Variants in RHBDF2 observed in about 807,000 individuals in gnomAD.
RHBDF2 encodes rhomboid 5 homolog 2.
In RHBDF2, 38 loss-of-function variants were observed where a neutral mutation model predicts 95.2. The ratio of observed to expected loss-of-function variants is 0.40; its 90% CI spans 0.31 to 0.52. The LOEUF (loss-of-function observed/expected upper bound fraction) is 0.52. Ranked by LOEUF, RHBDF2 falls within the 20% of genes least tolerant of loss-of-function variation. The pLI is 0.56. For missense variants in RHBDF2, 863 were observed against 1,137.7 expected, an observed-to-expected ratio of 0.76 and a Z score of 3.47; for synonymous variants, 442 against 462.0, an observed-to-expected ratio of 0.96 and a Z score of 0.55.
chr17:76,474,646 G>C, intron 11 of RHBDF2, 84 bp downstream of exon 11: 1 of 1,612,304 alleles, frequency 6.2e-7, no homozygotes, highest in Non-Finnish European at 8.5e-7. Flanking sequence ...CCTGCGGGTG[G>C]GTGAGGAGCC....
chr17:76,489,425 G>A (rs564059753), intron 1 of RHBDF2, among the ~76,000 whole-genome samples: 2 of 149,366 alleles, frequency 1.3e-5, no homozygotes, highest in Non-Finnish European at 3.0e-5. Flanking sequence ...CCGGGTTCAC[G>A]CCATTCTCCT....
intron 9 of RHBDF2, chr17:76,476,234 A>G (rs2073769600): frequency 6.6e-6 from 1 of 152,082 alleles, no homozygotes; most frequent in African/African-American, 2.4e-5. Flanking sequence ...ATTTGGGCCC[A>G]GTGTTTATTG....
intron 1 of RHBDF2, among the ~76,000 whole-genome samples, chr17:76,492,900 TC>T (rs946468871): frequency 6.6e-6 from 1 of 151,974 alleles, no homozygotes; most frequent in Non-Finnish European, 1.5e-5. Context: ...AGCAGCCCCC[TC>T]CCCTCCAGAC....
chr17:76,498,101 C>A (rs1328066242), intron 1 of RHBDF2, among the ~76,000 whole-genome samples: 1 of 152,184 alleles, frequency 6.6e-6, no homozygotes, highest in Non-Finnish European at 1.5e-5. Context: ...TTCCTTACAC[C>A]CATCCTAGGT....
chr17:76,473,453 C>A, intron 15 of RHBDF2, 126 bp from the exon 16 acceptor site: 1 of 1,011,736 alleles, frequency 9.9e-7, no homozygotes, highest in Non-Finnish European at 1.5e-6. Context: ...GCATCCAGAA[C>A]CTTCGACTCT....
chr17:76,489,769 A>T (rs1337246059), intron 1 of RHBDF2, among the ~76,000 whole-genome samples: 2 of 152,212 alleles, frequency 1.3e-5, no homozygotes, highest in African/African-American at 4.8e-5. Context: ...CCTTCAAAAC[A>T]CCTTCCAGGG....
At chr17:76,481,312 G>C (rs1048668223) in intron 3 of RHBDF2, 63 bp downstream of exon 3, 3 of 1,535,534 alleles carry the variant, frequency 2.0e-6, no homozygotes, top group Non-Finnish European at 2.6e-6. Context: ...TGACCAGAAA[G>C]TGTCACGTGG....
chr17:76,476,949 G>A lies in RHBDF2; in HGVS notation c.996C>T (p.Ala332=). 6.2e-7 allele frequency: 1 copy of A among 1,613,978 alleles called. No individual in the cohort carries two copies. The highest frequency in any genetic ancestry group is 8.5e-7 in the Non-Finnish European group (1 of 1,180,036). ...CGTAGTGCCGCTTCTTCCGATCAAA[G>A]GCAAAGTGCTTCACCTTGGAGGCGA... ...KRIASKVKHF[A]FDRKKRHYGL... Residue 332 remains alanine, a synonymous_variant, in exon 9 of 19, where the codon GCC becomes GCT. Coordinates refer to ENST00000675367, the MANE Select transcript of RHBDF2 (RefSeq NM_001005498.4).
chr17:76,498,728 G>C (rs1037489566), intron 1 of RHBDF2, among the ~76,000 whole-genome samples: 8 of 152,060 alleles, frequency 5.3e-5, no homozygotes, highest in African/African-American at 1.9e-4. Context: ...AGCATTTGTA[G>C]TGTGATTTAT....
chr17:76,481,410 G>T lies in RHBDF2; in HGVS notation c.115C>A (p.Gln39Lys). 1.2e-6 allele frequency: 2 copies of T among 1,612,756 alleles called. No individual in the cohort carries two copies. ...ITIPPPEKET[Q>K]APGEQDSMLP... Reference sequence around the variant, plus strand: ...ATGCTGTCCTGCTCGCCAGGGGCCTGGGTCTCTTTCTCGGGTGGCGGGATG... The same window carrying T: ...ATGCTGTCCTGCTCGCCAGGGGCCTTGGTCTCTTTCTCGGGTGGCGGGATG... The change falls in exon 3 of 19, where the codon CAG becomes AAG. Residue 39 changes from glutamine (Q) to lysine (K), a missense_variant. This residue lies in a region of RHBDF2 where 611 missense variants were observed against 725.5 expected (regional missense o/e 0.84). Coordinates refer to ENST00000675367, the MANE Select transcript of RHBDF2 (RefSeq NM_001005498.4).
At chr17:76,488,773 C>T (rs2074215240) in intron 1 of RHBDF2, among the ~76,000 whole-genome samples, 1 of 152,096 alleles carries the variant, frequency 6.6e-6, no homozygotes, top group African/African-American at 2.4e-5. Context: ...ATAGTGAAAC[C>T]CCATCTCTAC....
At chr17:76,472,201 G>A (rs1279147808) in intron 18 of RHBDF2, 149 bp from the exon 19 acceptor site, 2 of 732,560 alleles carry the variant, frequency 2.7e-6, no homozygotes, top group Non-Finnish European at 4.4e-6. Flanking sequence ...TGGAGCTGCT[G>A]GACCAAAGCT....
chr17:76,482,170 C>T (rs2073991615), intron 2 of RHBDF2, among the ~76,000 whole-genome samples: 1 of 151,982 alleles, frequency 6.6e-6, no homozygotes, highest in Non-Finnish European at 1.5e-5. Context: ...GATCTCTCCG[C>T]TTGAGGCAAG....
chr17:76,497,567 G>A (rs941842204), intron 1 of RHBDF2, among the ~76,000 whole-genome samples: 4 of 152,130 alleles, frequency 2.6e-5, no homozygotes, highest in Admixed American at 6.5e-5. Flanking sequence ...GCCATGGACC[G>A]GCAGCCACGC....
intron 15 of RHBDF2, 136 bp downstream of exon 15, chr17:76,473,512 G>T (rs1376486698): frequency 3.1e-6 from 3 of 954,608 alleles, no homozygotes; most frequent in Non-Finnish European, 3.2e-6. Flanking sequence ...CCCCAGAGCA[G>T]GGGAGCAAAG....
At chr17:76,476,684 T>C (rs2073781559) in intron 9 of RHBDF2, 146 bp downstream of exon 9, 1 of 1,236,898 alleles carries the variant, frequency 8.1e-7, no homozygotes, top group South Asian at 1.6e-5. Context: ...TGGGACAGGG[T>C]GCGCCTTCGA....
chr17:76,480,920 G>T (rs1352419937), intron 3 of RHBDF2, among the ~76,000 whole-genome samples: 1 of 152,150 alleles, frequency 6.6e-6, no homozygotes, highest in Non-Finnish European at 1.5e-5. Flanking sequence ...CTCTTTATGG[G>T]GCACTAGACC....
rs190274594 is a variant in RHBDF2 at position 76,480,556 on chromosome 17, T to A, written c.151-702A>T. Among the ~76,000 whole-genome samples the A allele has an allele frequency of 2.8e-3, 430 of 152,242 alleles. 4 individuals are homozygous for A. The highest frequency in any genetic ancestry group is 9.9e-3 in the African/African-American group (409 of 41,518). On this transcript the variant is annotated intron_variant, in intron 3 of 18. Transcript: ENST00000675367. ...TGTGCCACCACACCCAGCTCTTTTT[T>A]AATTTTTTTTGCAGAGACAGAGTCT...
intron 2 of RHBDF2, 89 bp from the exon 3 acceptor site, chr17:76,481,634 G>T: frequency 8.0e-7 from 1 of 1,244,428 alleles, no homozygotes; most frequent in Non-Finnish European, 1.1e-6. Flanking sequence ...CCCAGACCAA[G>T]AACCAACTTG....
Sources: allele counts gnomAD v4.1 joint callset (sites outside exome capture counted in the v4.1 genomes callset), GRCh38; gene constraint gnomAD v4.1.1; regional missense constraint gnomAD v4.1.1; transcripts MANE v1.5; gene names NCBI Gene and HGNC (gene_info 2026-07-23, HGNC 2026-07-21).